FHAD1: variants seen among roughly 807,000 people sequenced by gnomAD.
FHAD1 encodes forkhead associated phosphopeptide binding domain 1.
In FHAD1, 146 loss-of-function variants were observed where a neutral mutation model predicts 191.3. The observed-to-expected ratio is 0.76, with a 90% CI of 0.67 to 0.88. The LOEUF is 0.88. Ranked by LOEUF, FHAD1 falls within the 40% of genes least tolerant of loss-of-function variation. The probability of loss-of-function intolerance (pLI) is 0.00; values close to 1 mark genes in which losing one functional copy is unlikely to be tolerated. For missense variants in FHAD1, 1,635 were observed against 1,785.8 expected (o/e 0.92, Z 1.52); for synonymous variants, 616 against 672.3 (o/e 0.92, Z 1.29).
chr1:15,369,442 G>T lies in FHAD1; in HGVS notation c.3387G>T (p.Thr1129=), dbSNP rs188015170. ...AGAAGCCCCGGAAGAAGACCCAGAC[G>T]TGTGACACCTCTGTGCAGATAGAAC... ...KEQKPRKKTQ[T]CDTSVQIEPV... Residue 1129 remains threonine, a synonymous_variant, in exon 26 of 34, where the codon ACG becomes ACT. Transcript: ENST00000688493. 4 of 1,551,680 alleles carry T rather than the reference G, an allele frequency of 2.6e-6. No individual in the cohort carries two copies. The highest frequency in any genetic ancestry group is 2.7e-5 in the African/African-American group (2 of 73,038).
At position 15,381,931 on chromosome 1, in the gene FHAD1, A is replaced by G. The variant is rs1199066214; in HGVS notation, c.4023-97A>G. On this transcript the variant is annotated intron_variant, in intron 30 of 33. Coordinates refer to ENST00000688493, the MANE Select transcript of FHAD1 (RefSeq NM_001391957.1). The surrounding 1 kb of genome is among the most constrained non-coding windows in gnomAD (Gnocchi z 4.6). ...TGATGACACTCCTGAGTGAGCCCCC[A>G]CTGTGGATGTATTTTGAGAGACTTC... The G allele has an allele frequency of 1.5e-6, 2 of 1,342,306 alleles. No individual in the cohort carries two copies. Among genetic ancestry groups the G allele is most frequent in the East Asian group, 2.5e-5 (1 of 39,480 alleles). The allele number at this position is 1,342,306 out of a possible 1,614,324, so 83.1% of individuals were successfully genotyped here.
chr1:15,309,537 G>A (rs534139542), intron 7 of FHAD1, among the ~76,000 whole-genome samples: 1 of 152,326 alleles, frequency 6.6e-6, no homozygotes, highest in African/African-American at 2.4e-5. Context: ...CTCAGGGGGT[G>A]AAGTGAAGGA....
chr1:15,388,505 G>A, intron 32 of FHAD1: 1 of 548,290 alleles, frequency 1.8e-6, no homozygotes, highest in Non-Finnish European at 2.6e-6. Context: ...TGGGGACTTG[G>A]AGGCAAGGTC....
intron 7 of FHAD1, among the ~76,000 whole-genome samples, chr1:15,309,677 ATT>A (rs574894791): frequency 1.4e-5 from 2 of 145,096 alleles, no homozygotes; most frequent in African/African-American, 5.1e-5. Flanking sequence ...TTTTTTAGCG[ATT>A]TTTTTTTTTA....
chr1:15,313,853 A>T (rs1178282926), intron 8 of FHAD1, among the ~76,000 whole-genome samples: 1 of 152,000 alleles, frequency 6.6e-6, no homozygotes, highest in Non-Finnish European at 1.5e-5. Flanking sequence ...GGTGGATCAC[A>T]CGAGATCAGG....
Position 15,276,771 on chromosome 1 carries a change from G to A in FHAD1, c.300+4242G>A, listed in dbSNP as rs1166088626. Among the ~76,000 whole-genome samples the A allele has an allele frequency of 6.6e-6, 1 of 151,582 alleles. No homozygotes were observed. The highest frequency in any genetic ancestry group is 1.5e-5 in the Non-Finnish European group (1 of 67,938). Reference sequence around the variant, plus strand: ...GAGCGAAGATCATGCCACAGCCTGGGCAACAGAGTGAGACTCTCTCAAAAA... The same window carrying A: ...GAGCGAAGATCATGCCACAGCCTGGACAACAGAGTGAGACTCTCTCAAAAA... On this transcript the variant is annotated intron_variant, in intron 3 of 33. Coordinates refer to ENST00000688493, the MANE Select transcript of FHAD1 (RefSeq NM_001391957.1). The surrounding 1 kb of genome is among the most constrained non-coding windows in gnomAD (Gnocchi z 4.7).
intron 3 of FHAD1, among the ~76,000 whole-genome samples, chr1:15,278,751 C>T (rs374787276): frequency 1.8e-4 from 28 of 151,998 alleles, no homozygotes; most frequent in Middle Eastern, 3.4e-3. Flanking sequence ...TGGGATTACC[C>T]GCCTTCATTA....
In FHAD1 at chr1:15,272,537, C is replaced by G. The variant is rs190738579; in HGVS notation, c.300+8C>G. ...ATTGAAAATCCACCTCCGGTGAGTC[C>G]GGGCCACTGGGGGATAGAGGGGCCA... On this transcript the variant is annotated splice_region_variant and intron_variant, in intron 3 of 33. Transcript: ENST00000688493. 778 of 1,539,814 alleles carry G rather than the reference C, an allele frequency of 5.1e-4. 4 individuals carry two copies. In the African/African-American group the frequency reaches 9.5e-3, roughly 19 times the overall value.
Position 15,391,278 on chromosome 1 carries a change from C to G in FHAD1, c.4323+15C>G, listed in dbSNP as rs769340570. On this transcript the variant is annotated intron_variant, in intron 33 of 33. Transcript: ENST00000688493. ...CAAATTCCCAGGTGAGCAGAAAGAGCATCCTTTAGAATTCTCTTTTTTTGT... is the reference window on the plus strand; with the variant it reads ...CAAATTCCCAGGTGAGCAGAAAGAGGATCCTTTAGAATTCTCTTTTTTTGT... The G allele has an allele frequency of 3.1e-6, 4 of 1,278,802 alleles. No individual in the cohort carries two copies. In the African/African-American group the frequency reaches 6.1e-5, roughly 20 times the overall value. The allele number at this position is 1,278,802 out of a possible 1,614,324, so 79.2% of individuals were successfully genotyped here. A position where few individuals can be genotyped will look rare whatever the true frequency, so the allele number is the denominator to read the frequency against.
chr1:15,385,523 C>A (rs537128968), intron 31 of FHAD1, among the ~76,000 whole-genome samples: 3 of 152,192 alleles, frequency 2.0e-5, no homozygotes, highest in East Asian at 3.8e-4. Context: ...GGGTAGCTCA[C>A]GTCTGTAATA....
intron 2 of FHAD1, among the ~76,000 whole-genome samples, chr1:15,267,831 G>T (rs1303996083): frequency 6.9e-6 from 1 of 144,640 alleles, no homozygotes; most frequent in Non-Finnish European, 1.5e-5. Context: ...ATTTTATATA[G>T]CATATATTTA....
At position 15,346,479 on chromosome 1, in the gene FHAD1, C is replaced by A. The variant is rs114859730; in HGVS notation, c.2346+956C>A. ...GCCCACGTCATTTTTGGTATCTGTCCGGGCTTCATAGGCATTGAGTTTGTC... is the reference window on the plus strand; with the variant it reads ...GCCCACGTCATTTTTGGTATCTGTCAGGGCTTCATAGGCATTGAGTTTGTC... On this transcript the variant is annotated intron_variant, in intron 18 of 33. Coordinates refer to ENST00000688493, the MANE Select transcript of FHAD1 (RefSeq NM_001391957.1). 7.2e-5 allele frequency among the ~76,000 whole-genome samples: 11 copies of A among 152,274 alleles called. No individual in the cohort carries two copies. The South Asian group carries it at 2.3e-3, about 32-fold the overall frequency.
chr1:15,249,480 A>G (rs911232300), intron 1 of FHAD1, among the ~76,000 whole-genome samples: 13 of 152,198 alleles, frequency 8.5e-5, no homozygotes, highest in African/African-American at 3.1e-4. Context: ...TGAGGGCAAC[A>G]GGGCATGGTT....
chr1:15,285,151 C>T (rs1269130048), intron 3 of FHAD1, among the ~76,000 whole-genome samples: 1 of 152,152 alleles, frequency 6.6e-6, no homozygotes, highest in African/African-American at 2.4e-5. Context: ...AAAACCTTGA[C>T]CTTGCTTATG....
chr1:15,247,678 G>A (rs1316539429), intron 1 of FHAD1, among the ~76,000 whole-genome samples: 1 of 152,160 alleles, frequency 6.6e-6, no homozygotes, highest in Non-Finnish European at 1.5e-5. Flanking sequence ...CTGGGATTAG[G>A]AGGGGCATCC....
intron 2 of FHAD1, among the ~76,000 whole-genome samples, chr1:15,252,137 TGCAGA>T (rs1646860002): frequency 6.6e-6 from 1 of 152,214 alleles, no homozygotes; most frequent in African/African-American, 2.4e-5. Context: ...TCCCACCCAT[TGCAGA>T]GCAGATGAGC....
intron 19 of FHAD1, among the ~76,000 whole-genome samples, chr1:15,352,566 TTAG>T (rs1194894096): frequency 5.3e-5 from 8 of 152,112 alleles, no homozygotes; most frequent in African/African-American, 1.7e-4. Context: ...GCCAGTTTAT[TTAG>T]TAACTCAATG....
At chr1:15,334,546 G>A (rs1421494362) in intron 14 of FHAD1, 3 of 152,322 alleles carry the variant, frequency 2.0e-5, no homozygotes, top group South Asian at 4.1e-4. Context: ...GGGCAGTTAC[G>A]TGACGTGGCT....
rs1449468417 is a variant in FHAD1, at chr1:15,289,589, G to T, written c.491G>T (p.Arg164Met). The T allele has an allele frequency of 3.2e-6, 5 of 1,551,650 alleles. No individual in the cohort carries two copies. The highest frequency in any genetic ancestry group is 4.4e-6 in the Non-Finnish European group (5 of 1,147,018). Reference protein sequence around the residue: ...RPTVVLPASHRRPVSANKEMF... With the variant: ...RPTVVLPASHMRPVSANKEMF... Reference sequence around the variant, plus strand: ...ACCGTGGTCCTGCCGGCCTCCCACAGGCGGCCTGTGAGCGCCAACAAGGAG... The same window carrying T: ...ACCGTGGTCCTGCCGGCCTCCCACATGCGGCCTGTGAGCGCCAACAAGGAG... Residue 164 changes from arginine to methionine, a missense_variant, in exon 4 of 34, where the codon AGG becomes ATG. Physicochemically the swap from Arg to Met is moderately conservative, Grantham distance 91. Transcript: ENST00000688493. This position sits in a 1 kb window ranked among gnomAD's most constrained non-coding sequence, Gnocchi z 4.2.
Sources: gnomAD v4.1 joint callset for allele counts (sites outside exome capture counted in the v4.1 genomes callset) on GRCh38, gnomAD v4.1.1 for gene constraint, Gnocchi (gnomAD v3.1) non-coding constraint, MANE v1.5 for transcripts, NCBI Gene and HGNC (gene_info 2026-07-23, HGNC 2026-07-21) for gene names.